Variants in PTPRD observed in about 807,000 individuals in gnomAD.
PTPRD encodes the protein protein tyrosine phosphatase receptor type D.
PTPRD carries 34 observed loss-of-function variants against 214.5 expected under a neutral mutation model. The observed-to-expected ratio is 0.16, with a 90% CI of 0.12 to 0.21. The LOEUF (loss-of-function observed/expected upper bound fraction) is 0.21. Among genes scored for constraint, PTPRD ranks in the 10% least tolerant of loss-of-function variants. The pLI is 1.00. For missense variants in PTPRD, 2,545 were observed against 2,398.7 expected, an observed-to-expected ratio of 1.06 and a Z score of -1.27; for synonymous variants, 1,128 against 845.7, an observed-to-expected ratio of 1.33 and a Z score of -5.79.
intron 9 of PTPRD, among the ~76,000 whole-genome samples, chr9:9,207,629 T>C (rs1382227440): frequency 2.0e-5 from 3 of 152,206 alleles, no homozygotes; most frequent in Admixed American, 6.5e-5. Context: ...GTGCAATTAC[T>C]ACAGAGGATA....
intron 8 of PTPRD, among the ~76,000 whole-genome samples, chr9:9,483,910 A>G (rs1159279601): frequency 6.6e-6 from 1 of 151,592 alleles, no homozygotes; most frequent in Admixed American, 6.6e-5. Flanking sequence ...TTTGTATCCT[A>G]TCACGTTTAT....
intron 8 of PTPRD, among the ~76,000 whole-genome samples, chr9:9,566,678 A>G (rs1217651672): frequency 1.3e-5 from 2 of 152,076 alleles, no homozygotes; most frequent in African/African-American, 4.8e-5. Flanking sequence ...ACCAGCTTTT[A>G]AGAAAAGCTT....
chr9:9,748,693 T>TA (rs946670029), intron 6 of PTPRD, among the ~76,000 whole-genome samples: 104 of 152,212 alleles, frequency 6.8e-4, no homozygotes, highest in African/African-American at 2.3e-3. Context: ...GCTGAGCAAA[T>TA]AAAAAAATTA....
intron 3 of PTPRD, among the ~76,000 whole-genome samples, chr9:10,255,320 C>G (rs2475327): frequency 0.16 from 23,635 of 152,128 alleles, 1,917 homozygotes; most frequent in African/African-American, 0.19. Flanking sequence ...ACAGTATAGC[C>G]TACCTATTGC....
chr9:10,601,542 A>C (rs1453829362), intron 2 of PTPRD, among the ~76,000 whole-genome samples: 1 of 151,808 alleles, frequency 6.6e-6, no homozygotes, highest in Non-Finnish European at 1.5e-5. Flanking sequence ...CTGTATTTTC[A>C]AATTATATTG....
At chr9:8,537,309 C>G (rs1157501773) in intron 14 of PTPRD, among the ~76,000 whole-genome samples, 3 of 151,726 alleles carry the variant, frequency 2.0e-5, no homozygotes, top group Non-Finnish European at 4.4e-5. Context: ...AAATCAAATG[C>G]TAGTCCAGTC....
chr9:9,388,983 T>C (rs1586828111), intron 9 of PTPRD, among the ~76,000 whole-genome samples: 1 of 152,154 alleles, frequency 6.6e-6, no homozygotes, highest in Admixed American at 6.5e-5. Flanking sequence ...AAAATATATA[T>C]GCATATATTT....
chr9:8,461,629 A>T (rs1235460297), intron 32 of PTPRD, among the ~76,000 whole-genome samples: 8 of 151,058 alleles, frequency 5.3e-5, no homozygotes, highest in Non-Finnish European at 8.9e-5. Flanking sequence ...TCATTTGCCA[A>T]ATCTAATTGC....
chr9:10,056,961 G>A (rs923340216), intron 3 of PTPRD, among the ~76,000 whole-genome samples: 3 of 152,080 alleles, frequency 2.0e-5, no homozygotes, highest in African/African-American at 4.8e-5. Context: ...ATAAAAATAG[G>A]TGAATTTGTA....
Position 10,232,756 on chromosome 9 carries a change from G to A in PTPRD, c.-545+108207C>T, listed in dbSNP as rs2099615861. On this transcript the variant is annotated intron_variant, in intron 3 of 45. Transcript: ENST00000381196. ...AGAATACAACAAACTGATAGGGAAT[G>A]AGAGTAGTCTGGATTGAAAAGACAA... Among the ~76,000 whole-genome samples, 3 of 151,984 alleles carry A rather than the reference G, an allele frequency of 2.0e-5. No individual in the cohort carries two copies. In the South Asian group the frequency reaches 6.2e-4, roughly 31 times the overall value.
chr9:8,936,607 A>G (rs998519588), intron 11 of PTPRD, among the ~76,000 whole-genome samples: 56 of 152,194 alleles, frequency 3.7e-4, no homozygotes, highest in African/African-American at 1.3e-3. Flanking sequence ...GGAAACTTCA[A>G]CTGACTATTT....
In PTPRD at chr9:8,316,486, T is replaced by C. The variant is rs1821856078; in HGVS notation, c.*1388A>G. On this transcript the variant is annotated 3_prime_UTR_variant, in exon 46 of 46. Coordinates refer to ENST00000381196, the MANE Select transcript of PTPRD (RefSeq NM_002839.4). ...TTACATATCATAAATGCAAATTTCA[T>C]AGCACATACTATAGACAATATACGA... is the stretch of plus-strand genomic sequence containing the variant. The C allele has an allele frequency of 8.7e-6, 2 of 230,550 alleles. No homozygotes were observed. The highest frequency in any genetic ancestry group is 1.7e-5 in the Non-Finnish European group (2 of 116,172). 14.3% of individuals were successfully genotyped at this position (230,550 alleles called of 1,614,324 possible). A position where few individuals can be genotyped will look rare whatever the true frequency, so the allele number is the denominator to read the frequency against.
At chr9:8,349,167 A>C (rs1441639007) in intron 39 of PTPRD, among the ~76,000 whole-genome samples, 1 of 152,220 alleles carries the variant, frequency 6.6e-6, no homozygotes, top group African/African-American at 2.4e-5. Context: ...CATGTTTACA[A>C]AGATAAAGTA....
rs184922709 is a variant in PTPRD, at chr9:9,902,592, C to T, written c.-368+35915G>A. Among the ~76,000 whole-genome samples, 9 of 152,238 alleles carry T rather than the reference C, an allele frequency of 5.9e-5. No homozygotes were observed. In the East Asian group the frequency reaches 1.7e-3, roughly 29 times the overall value. On this transcript the variant is annotated intron_variant, in intron 5 of 45. Coordinates refer to ENST00000381196, the MANE Select transcript of PTPRD (RefSeq NM_002839.4). ...AAAGAAACTAGCACATTTAGAAATG[C>T]ACACTTCAACTTTGCTCACCTGACT...
intron 11 of PTPRD, among the ~76,000 whole-genome samples, chr9:8,997,411 A>T (rs932347171): frequency 2.0e-5 from 3 of 151,998 alleles, no homozygotes; most frequent in African/African-American, 7.2e-5. Context: ...CATTATTAGC[A>T]TATCTGTTAT....
intron 11 of PTPRD, among the ~76,000 whole-genome samples, chr9:9,003,837 A>C (rs1465530616): frequency 6.6e-6 from 1 of 152,054 alleles, no homozygotes; most frequent in Non-Finnish European, 1.5e-5. Flanking sequence ...GAAAACTCGC[A>C]ATCTGTAAAT....
chr9:8,471,861 C>T (rs1174566649), intron 30 of PTPRD, among the ~76,000 whole-genome samples: 2 of 152,146 alleles, frequency 1.3e-5, no homozygotes, highest in East Asian at 3.9e-4. Flanking sequence ...TCACTTCAGT[C>T]TAGTATATAC....
intron 10 of PTPRD, among the ~76,000 whole-genome samples, chr9:9,117,142 G>A (rs1438155694): frequency 6.6e-6 from 1 of 151,598 alleles, no homozygotes; most frequent in African/African-American, 2.4e-5. Flanking sequence ...TTTTGAGCTT[G>A]TTGAATTTTT....
rs374327444 is a variant in PTPRD at position 10,199,430 on chromosome 9, T to A, written c.-545+141533A>T. On this transcript the variant is annotated intron_variant, in intron 3 of 45. Coordinates refer to ENST00000381196, the MANE Select transcript of PTPRD (RefSeq NM_002839.4). ...AGTTTGACAGTACTCACATGATACC[T>A]GCCCACCTCTGTTCTTTATTCTGTC... Among the ~76,000 whole-genome samples, 12 of 152,176 alleles carry A rather than the reference T, an allele frequency of 7.9e-5. No homozygotes were observed. The South Asian group carries it at 2.3e-3, about 29-fold the overall frequency.
Sources: allele counts gnomAD v4.1 joint callset (sites outside exome capture counted in the v4.1 genomes callset), GRCh38; gene constraint gnomAD v4.1.1; transcripts MANE v1.5; gene names NCBI Gene and HGNC (gene_info 2026-07-23, HGNC 2026-07-21).